Variants in SLC36A1 observed in about 807,000 individuals in gnomAD.
SLC36A1 encodes solute carrier family 36 member 1, also known as proton-coupled amino acid transporter 1.
A neutral mutation model predicts 47.5 loss-of-function variants in SLC36A1; 30 were observed. The observed-to-expected ratio is 0.63, with a 90% CI of 0.47 to 0.86. SLC36A1 has a LOEUF of 0.86. Among genes scored for constraint, SLC36A1 ranks in the 40% least tolerant of loss-of-function variants. The probability of loss-of-function intolerance (pLI) is 0.00; values close to 1 mark genes in which losing one functional copy is unlikely to be tolerated. For missense variants in SLC36A1, 517 were observed against 606.0 expected, an observed-to-expected ratio of 0.85 and a Z score of 1.54; for synonymous variants, 255 against 249.7, an observed-to-expected ratio of 1.02 and a Z score of -0.20.
the SLC36A1 span, chr5:151,380,700 C>T: frequency 2.9e-5 from 16 of 550,180 alleles, no homozygotes; most frequent in East Asian, 5.0e-5. Flanking sequence ...AAACTCAGAT[C>T]GGAGACCTCT....
chr5:151,532,384 TACAA>T, the SLC36A1 span, among the ~76,000 whole-genome samples: 2 of 72,396 alleles, frequency 2.8e-5, no homozygotes, highest in East Asian at 7.0e-4. Flanking sequence ...AGTGTGCGTG[TACAA>T]ACACACACAC....
intron 1 of SLC36A1, among the ~76,000 whole-genome samples, chr5:151,441,467 A>C (rs376404033): frequency 4.6e-5 from 7 of 152,324 alleles, no homozygotes; most frequent in African/African-American, 1.7e-4. Flanking sequence ...ACAAGTGGGT[A>C]GAAGGGGGAG....
chr5:151,362,144 A>G, the SLC36A1 span, among the ~76,000 whole-genome samples: 1 of 152,032 alleles, frequency 6.6e-6, no homozygotes, highest in African/African-American at 2.4e-5. Context: ...ATTATTTTTT[A>G]ATAAGCTTTC....
At chr5:151,439,017 G>A (rs1480991271) in intron 1 of SLC36A1, among the ~76,000 whole-genome samples, 2 of 152,108 alleles carry the variant, frequency 1.3e-5, no homozygotes, top group Admixed American at 6.5e-5. Context: ...GAAGAAAGGA[G>A]GTTGAATTGA....
chr5:151,439,175 G>C (rs899819270), intron 1 of SLC36A1, among the ~76,000 whole-genome samples: 4 of 152,030 alleles, frequency 2.6e-5, no homozygotes, highest in African/African-American at 9.7e-5. Context: ...TCAGATCTGA[G>C]AACTCCCTCA....
At chr5:151,499,837 C>T in the SLC36A1 span, among the ~76,000 whole-genome samples, 284 of 152,208 alleles carry the variant, frequency 1.9e-3, 6 homozygotes, top group East Asian at 0.05. Context: ...ATCCCAGCTG[C>T]GTTTCCTTCT....
chr5:151,374,318 T>C, the SLC36A1 span, among the ~76,000 whole-genome samples: 1 of 152,238 alleles, frequency 6.6e-6, no homozygotes, highest in Admixed American at 6.5e-5. Flanking sequence ...TCAGGCCGCC[T>C]GCACCCAGGA....
chr5:151,487,694 T>C (rs1759753832), intron 10 of SLC36A1, among the ~76,000 whole-genome samples: 1 of 152,150 alleles, frequency 6.6e-6, no homozygotes, highest in Non-Finnish European at 1.5e-5. Context: ...TTGGTTCCTT[T>C]TGCACAGAAA....
chr5:151,544,493 G>C, the SLC36A1 span: 2 of 1,613,938 alleles, frequency 1.2e-6, no homozygotes, highest in Non-Finnish European at 1.7e-6. Flanking sequence ...AGCATCAAGG[G>C]TTCTTCCTCC....
the SLC36A1 span, chr5:151,542,310 G>A: frequency 1.2e-6 from 2 of 1,609,406 alleles, no homozygotes; most frequent in South Asian, 2.2e-5. Context: ...TGACCTGCCT[G>A]TTCTGCTCAG....
upstream of SLC36A1, among the ~76,000 whole-genome samples, chr5:151,436,720 C>T (rs187215891): frequency 2.3e-4 from 33 of 140,452 alleles, no homozygotes; most frequent in African/African-American, 9.5e-4. Flanking sequence ...TATAATGATA[C>T]ATTATATATG....
chr5:151,449,989 A>T (rs1753386868), intron 1 of SLC36A1, among the ~76,000 whole-genome samples: 1 of 111,686 alleles, frequency 9.0e-6, no homozygotes, highest in African/African-American at 3.5e-5. Context: ...TGTGGGATGG[A>T]TGGAGCAGGT....
At chr5:151,433,627 G>A (rs1434478820), upstream of SLC36A1, among the ~76,000 whole-genome samples, 1 of 151,914 alleles carries the variant, frequency 6.6e-6, no homozygotes, top group Non-Finnish European at 1.5e-5. Flanking sequence ...TAATAATATT[G>A]AGGGGAGATC....
At chr5:151,468,275 ATATATATATATATATATATTT>A (rs1561759835) in intron 7 of SLC36A1, among the ~76,000 whole-genome samples, 2 of 95,648 alleles carry the variant, frequency 2.1e-5, no homozygotes, top group Non-Finnish European at 4.0e-5. Context: ...AAATATATAT[ATATATATATATATATATATTT>A]TATATATATA....
intron 2 of SLC36A1, among the ~76,000 whole-genome samples, chr5:151,459,487 C>T (rs535043208): frequency 2.6e-5 from 4 of 152,222 alleles, no homozygotes; most frequent in Non-Finnish European, 4.4e-5. Flanking sequence ...GTTTGGCCCG[C>T]TTCAGGTCTC....
the SLC36A1 span, chr5:151,414,762 A>G: frequency 0.17 from 25,505 of 152,108 alleles, 2,378 homozygotes; most frequent in East Asian, 0.38. Context: ...GGAAGAACAC[A>G]ATGTCCCTGG....
the SLC36A1 span, among the ~76,000 whole-genome samples, chr5:151,524,678 C>T: frequency 1.3e-3 from 205 of 152,340 alleles, 1 homozygote; most frequent in East Asian, 0.02. Flanking sequence ...ATCCAAGCCA[C>T]AAGGCCCACA....
At chr5:151,370,391 A>G in the SLC36A1 span, among the ~76,000 whole-genome samples, 1 of 150,496 alleles carries the variant, frequency 6.6e-6, no homozygotes, top group East Asian at 2.0e-4. Context: ...CCACATTAGA[A>G]TTTCATTCTG....
the SLC36A1 span, among the ~76,000 whole-genome samples, chr5:151,397,319 C>T: frequency 6.6e-6 from 1 of 152,158 alleles, no homozygotes; most frequent in East Asian, 1.9e-4. Context: ...CATAAGAGCA[C>T]AAAGCGGGGA....
Sources: gnomAD v4.1 joint callset for allele counts (sites outside exome capture counted in the v4.1 genomes callset) on GRCh38, gnomAD v4.1.1 for gene constraint, MANE v1.5 for transcripts, NCBI Gene and HGNC (gene_info 2026-07-23, HGNC 2026-07-21) for gene names.